Variants in MMP26 observed in about 807,000 individuals in gnomAD.
MMP26 encodes matrix metalloproteinase-26.
Under a neutral mutation model 31.0 loss-of-function variants are expected in MMP26, and 33 were observed. The ratio of observed to expected loss-of-function variants is 1.06; its 90% CI spans 0.81 to 1.42. The LOEUF is 1.42. Among genes scored for constraint, MMP26 ranks in the 40% most tolerant of loss-of-function variants. MMP26 has a pLI of 0.00. For missense variants in MMP26, 347 were observed against 316.1 expected (o/e 1.10, Z -0.74); for synonymous variants, 122 against 114.9 (o/e 1.06, Z -0.40).
At chr11:4,804,469 C>T in intron 2 of MMP26, 1 of 1,013,392 alleles carries the variant, frequency 9.9e-7, no homozygotes, top group Non-Finnish European at 1.6e-6. Context: ...ATATACAAGG[C>T]TTTTGGATGG....
At chr11:4,864,620 T>C (rs1455948073) in intron 2 of MMP26, among the ~76,000 whole-genome samples, 1 of 152,214 alleles carries the variant, frequency 6.6e-6, no homozygotes, top group East Asian at 1.9e-4. Flanking sequence ...GCTAGGGCTT[T>C]ATAATTTGTG....
intron 2 of MMP26, among the ~76,000 whole-genome samples, chr11:4,775,748 G>A (rs934573276): frequency 3.6e-5 from 4 of 111,348 alleles, no homozygotes; most frequent in African/African-American, 1.4e-4. Flanking sequence ...GGAAGTGAGT[G>A]AGAGAGAGAG....
At chr11:4,874,882 C>G (rs963844431) in intron 2 of MMP26, among the ~76,000 whole-genome samples, 1 of 152,036 alleles carries the variant, frequency 6.6e-6, no homozygotes, top group African/African-American at 2.4e-5. Context: ...TTAACTACGC[C>G]TTACTTGGAG....
At chr11:4,860,731 TCTTTTTCCTTC>T in intron 2 of MMP26, 3 of 302,770 alleles carry the variant, frequency 9.9e-6, no homozygotes, top group Admixed American at 4.8e-5. Context: ...TAACACTGTG[TCTTTTTCCTTC>T]CTACACAGTC....
intron 1 of MMP26, chr11:4,736,922 T>C (rs11033618): frequency 0.084 from 12,766 of 152,816 alleles, 693 homozygotes; most frequent in Middle Eastern, 0.22. Flanking sequence ...AAATAGTACA[T>C]AGGTTCGTGG....
At chr11:4,769,277 G>T (rs1316926752) in intron 2 of MMP26, 1 of 1,613,418 alleles carries the variant, frequency 6.2e-7, no homozygotes, top group East Asian at 2.2e-5. Context: ...GACAATGCAT[G>T]GTGTATCTAT....
intron 2 of MMP26, chr11:4,848,724 C>A (rs780106210): frequency 3.1e-6 from 5 of 1,613,920 alleles, no homozygotes; most frequent in Non-Finnish European, 4.2e-6. Flanking sequence ...CAGATGGAGA[C>A]CCAGGCATCG....
intron 2 of MMP26, among the ~76,000 whole-genome samples, chr11:4,927,510 C>A (rs1175679000): frequency 6.6e-6 from 1 of 152,164 alleles, no homozygotes; most frequent in African/African-American, 2.4e-5. Context: ...CCTTGACTGA[C>A]ATGATGAGGG....
At chr11:4,788,160 G>A (rs114130813) in intron 2 of MMP26, among the ~76,000 whole-genome samples, 23 of 152,244 alleles carry the variant, frequency 1.5e-4, no homozygotes, top group African/African-American at 5.3e-4. Flanking sequence ...AATTCCTGAA[G>A]AAGGGACACT....
chr11:4,775,421 C>T (rs1848778740), intron 2 of MMP26, among the ~76,000 whole-genome samples: 1 of 152,152 alleles, frequency 6.6e-6, no homozygotes. Context: ...TTATTTGGCT[C>T]TCTTCTTGCC....
chr11:4,956,403 G>A (rs1301983865), intron 2 of MMP26, among the ~76,000 whole-genome samples: 1 of 152,200 alleles, frequency 6.6e-6, no homozygotes, highest in Non-Finnish European at 1.5e-5. Context: ...TACAGAGATA[G>A]TTGTTACCAA....
chr11:4,786,355 C>A (rs1848943807), intron 2 of MMP26, among the ~76,000 whole-genome samples: 1 of 152,112 alleles, frequency 6.6e-6, no homozygotes, highest in East Asian at 1.9e-4. Flanking sequence ...TGCCTGGTTC[C>A]CATCTCTGGC....
At chr11:4,792,079 G>A (rs1483792772) in intron 2 of MMP26, among the ~76,000 whole-genome samples, 1 of 151,724 alleles carries the variant, frequency 6.6e-6, no homozygotes. Flanking sequence ...TCTGTACAAT[G>A]GAGATAATAG....
intron 2 of MMP26, among the ~76,000 whole-genome samples, chr11:4,987,493 A>G (rs1846921379): frequency 6.6e-6 from 1 of 151,464 alleles, no homozygotes; most frequent in Non-Finnish European, 1.5e-5. Flanking sequence ...ATCTCGGCTC[A>G]CTGCAAGCTC....
At chr11:4,905,975 T>C (rs1183020473) in intron 2 of MMP26, among the ~76,000 whole-genome samples, 1 of 152,046 alleles carries the variant, frequency 6.6e-6, no homozygotes, top group Non-Finnish European at 1.5e-5. Flanking sequence ...TTTATTTGAC[T>C]AAATATGCAT....
intron 2 of MMP26, among the ~76,000 whole-genome samples, chr11:4,978,259 G>C (rs1846766332): frequency 6.6e-6 from 1 of 152,044 alleles, no homozygotes; most frequent in Admixed American, 6.6e-5. Flanking sequence ...TGCAAAAATG[G>C]ACAAAGACAT....
intron 1 of MMP26, among the ~76,000 whole-genome samples, chr11:4,730,366 T>A (rs1216125526): frequency 6.6e-6 from 1 of 150,666 alleles, no homozygotes; most frequent in African/African-American, 2.5e-5. Context: ...GAATTTCTCA[T>A]CACATCTCCT....
At chr11:4,806,321 G>A (rs966908154) in intron 2 of MMP26, among the ~76,000 whole-genome samples, 4 of 152,028 alleles carry the variant, frequency 2.6e-5, no homozygotes, top group Non-Finnish European at 4.4e-5. Context: ...TGACAGTGGG[G>A]TGTTAAAGTC....
At chr11:4,959,820 C>G (rs1239943181) in intron 2 of MMP26, among the ~76,000 whole-genome samples, 1 of 152,174 alleles carries the variant, frequency 6.6e-6, no homozygotes, top group South Asian at 2.1e-4. Flanking sequence ...TACTCATACT[C>G]TCACAATACT....
Sources: gnomAD v4.1 joint callset for allele counts (sites outside exome capture counted in the v4.1 genomes callset) on GRCh38, gnomAD v4.1.1 for gene constraint, MANE v1.5 for transcripts, NCBI Gene and HGNC (gene_info 2026-07-23, HGNC 2026-07-21) for gene names.